Variants in SLC14A2 observed in about 807,000 individuals in gnomAD.
SLC14A2 encodes solute carrier family 14 member 2.
In SLC14A2, 91 loss-of-function variants were observed where a neutral mutation model predicts 104.6. The ratio of observed to expected loss-of-function variants is 0.87; its 90% CI spans 0.73 to 1.04. SLC14A2 has a LOEUF of 1.04. SLC14A2 is among the 50% of genes least tolerant of loss of function. SLC14A2 has a pLI of 0.00. For missense variants in SLC14A2, 1,189 were observed against 1,156.0 expected (o/e 1.03, Z -0.41); for synonymous variants, 476 against 466.4 (o/e 1.02, Z -0.27).
the SLC14A2 span, among the ~76,000 whole-genome samples, chr18:45,186,278 C>A: frequency 6.6e-6 from 1 of 152,132 alleles, no homozygotes; most frequent in Non-Finnish European, 1.5e-5. Flanking sequence ...GACATCAGGT[C>A]AATAAGACAG....
intron 1 of SLC14A2, among the ~76,000 whole-genome samples, chr18:45,420,117 C>A (rs2086326113): frequency 6.6e-6 from 1 of 152,192 alleles, no homozygotes; most frequent in Admixed American, 6.5e-5. Context: ...GAGGACTTGA[C>A]CAGGACTAGA....
chr18:45,476,730 T>C (rs894152401), intron 1 of SLC14A2, among the ~76,000 whole-genome samples: 3 of 152,226 alleles, frequency 2.0e-5, no homozygotes, highest in African/African-American at 7.2e-5. Flanking sequence ...TTCATTAAGT[T>C]GATCTTCAAT....
the SLC14A2 span, among the ~76,000 whole-genome samples, chr18:45,173,917 G>C: frequency 2.0e-5 from 3 of 152,060 alleles, no homozygotes; most frequent in South Asian, 6.2e-4. Context: ...AGGACACATA[G>C]CTAATAAGTG....
intron 1 of SLC14A2, among the ~76,000 whole-genome samples, chr18:45,391,189 C>A (rs1042572468): frequency 2.0e-5 from 3 of 151,870 alleles, no homozygotes; most frequent in African/African-American, 7.3e-5. Flanking sequence ...GGTTTTTTGT[C>A]CCTGAGATAG....
At chr18:45,221,146 G>T (rs1003379880) in intron 1 of SLC14A2, among the ~76,000 whole-genome samples, 1 of 152,046 alleles carries the variant, frequency 6.6e-6, no homozygotes, top group Non-Finnish European at 1.5e-5. Flanking sequence ...CCCATAACAG[G>T]GTCATTTAAT....
chr18:45,610,637 A>G (rs1352023389), upstream of SLC14A2, among the ~76,000 whole-genome samples: 2 of 152,200 alleles, frequency 1.3e-5, no homozygotes, highest in African/African-American at 2.4e-5. Context: ...GTCTCCTGGT[A>G]GGTTTCAGCT....
rs370029090 is a variant in SLC14A2, at chr18:45,666,982, C to T, written c.1605C>T (p.Asn535=). The T allele has an allele frequency of 4.8e-5, 77 of 1,613,916 alleles. No individual in the cohort carries two copies. Among genetic ancestry groups the T allele is most frequent in the Non-Finnish European group, 6.4e-5 (75 of 1,179,880 alleles). ...EESSEIKVET[N]ISKTSWIRSS... is the part of the protein sequence containing the mutation. ...GCTCTGAGATAAAAGTGGAAACAAA[C>T]ATTTCCAAGACATCCTGGATTCGGA... The change falls in exon 13 of 20, where the codon AAC becomes AAT. Residue 535 remains asparagine, a synonymous_variant. Transcript: ENST00000255226.
At chr18:45,540,514 G>A (rs531127890) in intron 2 of SLC14A2, among the ~76,000 whole-genome samples, 16 of 152,168 alleles carry the variant, frequency 1.1e-4, no homozygotes, top group East Asian at 7.7e-4. Flanking sequence ...AGGCCAAGAC[G>A]GGCAGATTAC....
At chr18:45,586,228 C>A (rs1432907954) in intron 2 of SLC14A2, among the ~76,000 whole-genome samples, 1 of 152,114 alleles carries the variant, frequency 6.6e-6, no homozygotes. Context: ...AGAAGGCTGC[C>A]CTGAGGAGAC....
At chr18:45,644,258 T>C in intron 10 of SLC14A2, 98 bp downstream of exon 10, 1 of 1,210,070 alleles carries the variant, frequency 8.3e-7, no homozygotes, top group Non-Finnish European at 1.2e-6. Context: ...GCACTCACCT[T>C]CTTTGCCTCT....
At position 45,494,567 on chromosome 18, in the gene SLC14A2, A is replaced by T. The variant is rs535987130; in HGVS notation, c.-35+11245A>T. 3.7e-3 allele frequency among the ~76,000 whole-genome samples: 552 copies of T among 150,390 alleles called. 3 individuals are homozygous for T. Among genetic ancestry groups the T allele is most frequent in the Middle Eastern group, 0.024 (7 of 288 alleles). ...CACATGCCACCATGCCCAGAAAAAA[A>T]ATTTTTTTTTTTTAAATAGCGACAG... On this transcript the variant is annotated intron_variant, in intron 2 of 20. Coordinates refer to the SLC14A2 transcript ENST00000586448.
intron 2 of SLC14A2, among the ~76,000 whole-genome samples, chr18:45,561,999 A>AT (rs765061362): frequency 7.2e-5 from 11 of 152,050 alleles, no homozygotes; most frequent in Admixed American, 5.2e-4. Flanking sequence ...TCAGGTATAT[A>AT]TTTTTTTTAA....
chr18:45,475,620 ATATATATATATATATATTTAG>A (rs1293433084), intron 1 of SLC14A2, among the ~76,000 whole-genome samples: 2 of 49,678 alleles, frequency 4.0e-5, no homozygotes, highest in South Asian at 8.7e-4. Flanking sequence ...TATATTTAGG[ATATATATATATATATATTTAG>A]GATATATATA....
At chr18:45,650,101 T>G (rs2144584055) in intron 10 of SLC14A2, among the ~76,000 whole-genome samples, 1 of 152,330 alleles carries the variant, frequency 6.6e-6, no homozygotes, top group East Asian at 1.9e-4. Context: ...TCGAGTTGCT[T>G]ATGTTATTCT....
chr18:45,272,885 T>C lies in SLC14A2; in HGVS notation c.-125+59694T>C, dbSNP rs115395230. On this transcript the variant is annotated intron_variant, in intron 1 of 20. Transcript: ENST00000586448. Reference sequence around the variant, plus strand: ...CATGTACCCCACAAATATATGCACCTACTGTGCACACACAAAAATTTTTTT... The same window carrying C: ...CATGTACCCCACAAATATATGCACCCACTGTGCACACACAAAAATTTTTTT... Among the ~76,000 whole-genome samples, 675 of 152,220 alleles carry C rather than the reference T, an allele frequency of 4.4e-3. 6 individuals are homozygous for C. The highest frequency in any genetic ancestry group is 0.015 in the African/African-American group (630 of 41,562).
intron 1 of SLC14A2, among the ~76,000 whole-genome samples, chr18:45,379,168 A>G (rs1335833063): frequency 1.3e-5 from 2 of 152,208 alleles, no homozygotes; most frequent in Non-Finnish European, 2.9e-5. Flanking sequence ...CTGGCACACT[A>G]TCTGCTCTCA....
intron 1 of SLC14A2, among the ~76,000 whole-genome samples, chr18:45,274,996 T>G (rs980654036): frequency 3.9e-5 from 6 of 152,236 alleles, no homozygotes; most frequent in African/African-American, 1.4e-4. Context: ...TCTTAAGATT[T>G]ATCCTTAGTT....
At chr18:45,585,404 C>G (rs934348622) in intron 2 of SLC14A2, among the ~76,000 whole-genome samples, 5 of 152,080 alleles carry the variant, frequency 3.3e-5, no homozygotes, top group African/African-American at 1.2e-4. Context: ...GTTTTTTAAC[C>G]TAGTATATTT....
At chr18:45,600,977 C>T (rs1309076021) in intron 2 of SLC14A2, among the ~76,000 whole-genome samples, 2 of 152,158 alleles carry the variant, frequency 1.3e-5, no homozygotes, top group Non-Finnish European at 2.9e-5. Context: ...GCTCTGTATT[C>T]TGCCCAGGGT....
Sources: gnomAD v4.1 joint callset for allele counts (sites outside exome capture counted in the v4.1 genomes callset) on GRCh38, gnomAD v4.1.1 for gene constraint, MANE v1.5 for transcripts, NCBI Gene and HGNC (gene_info 2026-07-23, HGNC 2026-07-21) for gene names.